Variants in GABRB2 observed in about 807,000 individuals in gnomAD.
GABRB2 encodes the protein gamma-aminobutyric acid receptor subunit beta-2.
A neutral mutation model predicts 54.7 loss-of-function variants in GABRB2; 16 were observed. That is an observed-to-expected ratio of 0.29 (90% CI 0.20 to 0.44). The LOEUF (loss-of-function observed/expected upper bound fraction) is 0.44. GABRB2 is among the 20% of genes least tolerant of loss of function. The pLI is 1.00. For missense variants in GABRB2, 355 were observed against 644.0 expected, an observed-to-expected ratio of 0.55 and a Z score of 4.86; for synonymous variants, 244 against 233.8, an observed-to-expected ratio of 1.04 and a Z score of -0.40.
At chr5:161,334,620 C>T (rs1028610357) in intron 7 of GABRB2, 132 bp downstream of exon 7, 22 of 821,872 alleles carry the variant, frequency 2.7e-5, no homozygotes, top group South Asian at 9.3e-5. Context: ...AGTCTCATAG[C>T]GAAACTCTTA....
At chr5:161,360,617 T>C (rs1182024842) in intron 5 of GABRB2, among the ~76,000 whole-genome samples, 8 of 152,250 alleles carry the variant, frequency 5.3e-5, no homozygotes, top group African/African-American at 1.9e-4. Flanking sequence ...GGGAAATTGT[T>C]TTTATGTAGA....
intron 4 of GABRB2, among the ~76,000 whole-genome samples, chr5:161,424,991 G>C (rs1419424300): frequency 1.3e-5 from 2 of 152,130 alleles, no homozygotes; most frequent in African/African-American, 4.8e-5. Flanking sequence ...AGATATAGTA[G>C]AAATAGTAAG....
rs1377446849 is a variant in GABRB2, at chr5:161,463,685, G to T, written c.238-3841C>A. On this transcript the variant is annotated intron_variant, in intron 3 of 9. Coordinates refer to ENST00000393959, the MANE Select transcript of GABRB2 (RefSeq NM_001371727.1). ...ATCTGATATCAGGACTTACTATACTGATTTAAATACTTACTAATACTACCA... is the reference window on the plus strand; with the variant it reads ...ATCTGATATCAGGACTTACTATACTTATTTAAATACTTACTAATACTACCA... 2.1e-5 allele frequency among the ~76,000 whole-genome samples: 3 copies of T among 145,690 alleles called. No homozygotes were observed. The East Asian group carries it at 6.2e-4, about 30-fold the overall frequency.
Position 161,499,060 on chromosome 5 carries a change from T to C in GABRB2, c.238-39216A>G, listed in dbSNP as rs536418989. Among the ~76,000 whole-genome samples, 65 of 152,148 alleles carry C rather than the reference T, an allele frequency of 4.3e-4. 1 individual carries two copies. Among genetic ancestry groups the C allele is most frequent in the African/African-American group, 1.5e-3 (62 of 41,532 alleles). ...GCTTCTTTGTTTGATCACCAATAAATAGTGTGGGCTTCCAGAGCTCGGGCC... is the reference window on the plus strand; with the variant it reads ...GCTTCTTTGTTTGATCACCAATAAACAGTGTGGGCTTCCAGAGCTCGGGCC... On this transcript the variant is annotated intron_variant, in intron 3 of 9. Coordinates refer to ENST00000393959, the MANE Select transcript of GABRB2 (RefSeq NM_001371727.1).
At chr5:161,474,474 AATATC>A (rs1428099324) in intron 3 of GABRB2, among the ~76,000 whole-genome samples, 1 of 151,982 alleles carries the variant, frequency 6.6e-6, no homozygotes, top group African/African-American at 2.4e-5. Flanking sequence ...ATTTAAGAAA[AATATC>A]ATAATTTAGC....
intron 4 of GABRB2, among the ~76,000 whole-genome samples, chr5:161,440,341 A>G (rs1238069838): frequency 6.6e-6 from 1 of 152,188 alleles, no homozygotes; most frequent in East Asian, 1.9e-4. Context: ...GTTGCCTACA[A>G]GAAACGCACT....
chr5:161,290,225 C>G lies in GABRB2; in HGVS notation c.*3856G>C, dbSNP rs1757197825. 4 of 152,332 alleles carry G rather than the reference C, an allele frequency of 2.6e-5. No homozygotes were observed. The Middle Eastern group carries it at 0.01, about 391-fold the overall frequency. 9.4% of individuals were successfully genotyped at this position (152,332 alleles called of 1,614,324 possible). A position where few individuals can be genotyped will look rare whatever the true frequency, so the allele number is the denominator to read the frequency against. On this transcript the variant is annotated 3_prime_UTR_variant, in exon 10 of 10. Coordinates refer to ENST00000393959, the MANE Select transcript of GABRB2 (RefSeq NM_001371727.1). ...AGTTGTGAATACTTAGTATTTTGCC[C>G]TAACCAACATGGTGGGGTTTAGTTT... is the stretch of plus-strand genomic sequence containing the variant.
chr5:161,319,124 TG>T (rs1758131706), intron 9 of GABRB2, among the ~76,000 whole-genome samples: 1 of 147,858 alleles, frequency 6.8e-6, no homozygotes, highest in South Asian at 2.1e-4. Context: ...TTTTATTAGC[TG>T]TTTTTTTTTT....
intron 4 of GABRB2, among the ~76,000 whole-genome samples, chr5:161,420,428 G>C (rs1756816355): frequency 6.6e-6 from 1 of 152,212 alleles, no homozygotes; most frequent in African/African-American, 2.4e-5. Flanking sequence ...TAACCACCAA[G>C]TTGTGTATCC....
intron 3 of GABRB2, among the ~76,000 whole-genome samples, chr5:161,536,635 C>T (rs546287827): frequency 3.9e-5 from 6 of 152,256 alleles, no homozygotes; most frequent in East Asian, 3.9e-4. Flanking sequence ...CTCACTCTGT[C>T]GCCCAGGCTG....
Position 161,336,321 on chromosome 5 carries a change from G to A in GABRB2, c.679+311C>T, listed in dbSNP as rs1052134759. Among the ~76,000 whole-genome samples the A allele has an allele frequency of 1.8e-4, 28 of 152,114 alleles. 1 individual carries two copies. The highest frequency in any genetic ancestry group is 6.8e-4 in the African/African-American group (28 of 41,444). On this transcript the variant is annotated intron_variant, in intron 6 of 9. Coordinates refer to ENST00000393959, the MANE Select transcript of GABRB2 (RefSeq NM_001371727.1). Reference sequence around the variant, plus strand: ...TGGTCAATTCTGTGGGATGTATAATGTTATAATGTTGGGGAACAGCTCTGA... The same window carrying A: ...TGGTCAATTCTGTGGGATGTATAATATTATAATGTTGGGGAACAGCTCTGA...
intron 5 of GABRB2, 40 bp downstream of exon 5, chr5:161,410,935 A>T (rs1362854592): frequency 6.6e-7 from 1 of 1,508,692 alleles, no homozygotes; most frequent in Non-Finnish European, 9.2e-7. Flanking sequence ...AAGAACCTTA[A>T]AGCAGAGTCC....
chr5:161,476,115 C>A lies in GABRB2; in HGVS notation c.238-16271G>T, dbSNP rs1269657202. ...AGTTGCAGAACACAAAGTCAATATT[C>A]AAAAATCAGTTGCATTTCTATAAAC... On this transcript the variant is annotated intron_variant, in intron 3 of 9. Coordinates refer to ENST00000393959, the MANE Select transcript of GABRB2 (RefSeq NM_001371727.1). 2.6e-5 allele frequency among the ~76,000 whole-genome samples: 4 copies of A among 151,762 alleles called. 1 individual carries two copies. In the South Asian group the frequency reaches 6.2e-4, roughly 24 times the overall value.
intron 3 of GABRB2, among the ~76,000 whole-genome samples, chr5:161,532,383 G>A (rs1200583318): frequency 1.3e-5 from 2 of 151,996 alleles, no homozygotes; most frequent in Admixed American, 6.6e-5. Context: ...ACATGATAAT[G>A]TTAGCTTCAA....
chr5:161,514,290 C>T (rs1327267128), intron 3 of GABRB2, among the ~76,000 whole-genome samples: 5 of 152,128 alleles, frequency 3.3e-5, no homozygotes, highest in Non-Finnish European at 7.4e-5. Flanking sequence ...ACTCCAACCT[C>T]TTGTTCTAAA....
chr5:161,306,621 T>G (rs1757698588), intron 9 of GABRB2, among the ~76,000 whole-genome samples: 1 of 152,146 alleles, frequency 6.6e-6, no homozygotes, highest in African/African-American at 2.4e-5. Context: ...GATTCCGAGT[T>G]ACATTTGGTT....
intron 4 of GABRB2, among the ~76,000 whole-genome samples, chr5:161,421,064 T>C (rs969052524): frequency 3.9e-5 from 6 of 152,156 alleles, no homozygotes; most frequent in African/African-American, 1.4e-4. Flanking sequence ...CACTGCCTCA[T>C]CCCCAGTTTT....
intron 9 of GABRB2, among the ~76,000 whole-genome samples, chr5:161,314,695 T>C (rs1757973177): frequency 6.6e-6 from 1 of 151,988 alleles, no homozygotes; most frequent in Non-Finnish European, 1.5e-5. Context: ...CCCCCCTCTT[T>C]CTGCCATCTC....
intron 5 of GABRB2, among the ~76,000 whole-genome samples, chr5:161,400,616 A>G (rs1221913936): frequency 5.3e-5 from 8 of 152,160 alleles, no homozygotes; most frequent in Non-Finnish European, 1.2e-4. Context: ...TTTTGAGTAG[A>G]GCCTTATCAA....
Sources: allele counts gnomAD v4.1 joint callset (sites outside exome capture counted in the v4.1 genomes callset), GRCh38; gene constraint gnomAD v4.1.1; transcripts MANE v1.5; gene names NCBI Gene and HGNC (gene_info 2026-07-23, HGNC 2026-07-21).